TSHZ1: variants seen among roughly 807,000 people sequenced by gnomAD.
TSHZ1 encodes teashirt zinc finger homeobox 1.
TSHZ1 carries 12 observed loss-of-function variants against 67.1 expected under a neutral mutation model. The ratio of observed to expected loss-of-function variants is 0.18; its 90% confidence interval spans 0.11 to 0.29. The LOEUF (loss-of-function observed/expected upper bound fraction) is 0.29, where lower values mean the gene tolerates loss of function less well. TSHZ1 is among the 10% of genes least tolerant of loss of function. The probability of loss-of-function intolerance (pLI) is 1.00; values close to 1 mark genes in which losing one functional copy is unlikely to be tolerated. For synonymous variants in TSHZ1, 632 were observed against 622.4 expected, an observed-to-expected ratio of 1.02 and a Z score of -0.23; for missense variants, 1,305 against 1,413.9, an observed-to-expected ratio of 0.92 and a Z score of 1.23.
At chr18:75,265,821 C>A (rs1459107003) in intron 1 of TSHZ1, among the ~76,000 whole-genome samples, 1 of 152,090 alleles carries the variant, frequency 6.6e-6, no homozygotes, top group Non-Finnish European at 1.5e-5. Context: ...CCCCCTTACT[C>A]GAATCTCATG....
At position 75,289,592 on chromosome 18, in the gene TSHZ1, C is replaced by T. The variant is rs1246569538; in HGVS notation, c.*951C>T. On this transcript the variant is annotated 3_prime_UTR_variant, in exon 2 of 2. Coordinates refer to ENST00000580243, the MANE Select transcript of TSHZ1 (RefSeq NM_001308210.2). ...GTTACATATCGTACCATTTTAATCTCTTCAACTTTCTTTGTACCTTCTGGC... is the reference window on the plus strand; with the variant it reads ...GTTACATATCGTACCATTTTAATCTTTTCAACTTTCTTTGTACCTTCTGGC... 6.0e-6 allele frequency: 1 copy of T among 167,080 alleles called. No homozygotes were observed. The highest frequency in any genetic ancestry group is 1.5e-5 in the Non-Finnish European group (1 of 68,122). 10.3% of individuals were successfully genotyped at this position (167,080 alleles called of 1,614,324 possible). A position where few individuals can be genotyped will look rare whatever the true frequency, so the allele number is the denominator to read the frequency against.
intron 1 of TSHZ1, among the ~76,000 whole-genome samples, chr18:75,226,688 A>G (rs932555841): frequency 2.0e-5 from 3 of 151,732 alleles, no homozygotes; most frequent in Non-Finnish European, 4.4e-5. Flanking sequence ...CCCTGGAGCC[A>G]TGCATCACCA....
At chr18:75,241,660 A>G (rs1367999219) in intron 1 of TSHZ1, among the ~76,000 whole-genome samples, 1 of 152,172 alleles carries the variant, frequency 6.6e-6, no homozygotes, top group African/African-American at 2.4e-5. Flanking sequence ...TTCATAACAA[A>G]TCAATACAAA....
intron 1 of TSHZ1, among the ~76,000 whole-genome samples, chr18:75,212,817 C>T (rs1416413657): frequency 6.6e-6 from 1 of 152,206 alleles, no homozygotes; most frequent in African/African-American, 2.4e-5. Context: ...GGTGGGTCAG[C>T]TGCCGTGCGT....
At chr18:75,250,273 C>T (rs11875615) in intron 1 of TSHZ1, among the ~76,000 whole-genome samples, 27,485 of 152,108 alleles carry the variant, frequency 0.18, 2,576 homozygotes, top group East Asian at 0.31. Flanking sequence ...TGTCCCCAGT[C>T]GCAAGGGTAC....
chr18:75,257,189 C>A (rs1381370446), intron 1 of TSHZ1, among the ~76,000 whole-genome samples: 3 of 152,294 alleles, frequency 2.0e-5, no homozygotes, highest in South Asian at 4.1e-4. Context: ...AATGAACTAA[C>A]CTCCTTCATT....
At position 75,288,832 on chromosome 18, in the gene TSHZ1, G is replaced by A. The variant is rs1212554194; in HGVS notation, c.*191G>A. 9.8e-6 allele frequency: 9 copies of A among 920,130 alleles called. No homozygotes were observed. The highest frequency in any genetic ancestry group is 3.8e-5 in the Admixed American group (1 of 26,590). The allele number at this position is 920,130 out of a possible 1,614,324, so 57.0% of individuals were successfully genotyped here. ...CTGTGCATGTTATTTTTCTTTTTCC[G>A]TGAGTCAAAGTCTGACCTTTATTTT... is the stretch of plus-strand genomic sequence containing the variant. On this transcript the variant is annotated 3_prime_UTR_variant, in exon 2 of 2. Transcript: ENST00000580243. This position sits in a 1 kb window ranked among gnomAD's most constrained non-coding sequence, Gnocchi z 4.9.
intron 1 of TSHZ1, among the ~76,000 whole-genome samples, chr18:75,272,209 G>A (rs188613728): frequency 1.3e-5 from 2 of 152,364 alleles, no homozygotes; most frequent in Non-Finnish European, 2.9e-5. Flanking sequence ...TTATCAGATA[G>A]AAGAGGAAGA....
intron 1 of TSHZ1, among the ~76,000 whole-genome samples, chr18:75,233,188 A>T (rs932031189): frequency 2.6e-5 from 4 of 152,202 alleles, no homozygotes; most frequent in African/African-American, 7.2e-5. Flanking sequence ...TATAAAAGTG[A>T]TATCAGTTAT....
rs1229815684 is a variant in TSHZ1, at chr18:75,246,710, A to G, written c.40+34794A>G. Among the ~76,000 whole-genome samples the G allele has an allele frequency of 2.6e-5, 4 of 151,922 alleles. 1 individual carries two copies. On this transcript the variant is annotated intron_variant, in intron 1 of 1. Transcript: ENST00000580243. ...AAGCCTGTGGCCTTTTTTTGTTTTT[A>G]GGCACAAAGCTAGTTTAATTGAAAG...
intron 1 of TSHZ1, among the ~76,000 whole-genome samples, chr18:75,251,576 C>G (rs2023305313): frequency 6.7e-6 from 1 of 148,442 alleles, no homozygotes; most frequent in Middle Eastern, 3.5e-3. Context: ...TCTATCTTTC[C>G]ATTTCTAGTG....
intron 1 of TSHZ1, among the ~76,000 whole-genome samples, chr18:75,230,471 C>T (rs922673865): frequency 3.3e-5 from 5 of 152,192 alleles, no homozygotes; most frequent in African/African-American, 9.7e-5. Context: ...AAATTTATCA[C>T]GGCACATTAT....
chr18:75,237,524 A>G (rs1375268720), intron 1 of TSHZ1, among the ~76,000 whole-genome samples: 1 of 152,208 alleles, frequency 6.6e-6, no homozygotes, highest in Non-Finnish European at 1.5e-5. Flanking sequence ...CTTGTCTTCA[A>G]AATAAAATAA....
intron 1 of TSHZ1, among the ~76,000 whole-genome samples, chr18:75,264,126 G>A (rs2023462336): frequency 6.6e-6 from 1 of 152,180 alleles, no homozygotes; most frequent in Non-Finnish European, 1.5e-5. Context: ...ATCACATAGT[G>A]CCACTCATTT....
At chr18:75,284,684 T>TA (rs2023728387) in intron 1 of TSHZ1, 1 of 152,342 alleles carries the variant, frequency 6.6e-6, no homozygotes, top group Admixed American at 6.5e-5. Flanking sequence ...CACCGAGCAC[T>TA]ATGCCCTCGA....
rs1320949762 is a variant in TSHZ1, at chr18:75,288,950, TAAC to T, written c.*312_*314del. ...ATTTAGCAGTAAAGAAAGACACAAA[TAAC>T]AATGATAAAAAGACATCCTAAAATG... On this transcript the variant is annotated 3_prime_UTR_variant, in exon 2 of 2. Transcript: ENST00000580243. The surrounding 1 kb of genome is among the most constrained non-coding windows in gnomAD (Gnocchi z 4.9). 4.3e-6 allele frequency: 1 copy of T among 231,520 alleles called. No individual in the cohort carries two copies. Among genetic ancestry groups the T allele is most frequent in the African/African-American group, 2.3e-5 (1 of 43,470 alleles). The allele number at this position is 231,520 out of a possible 1,614,324, so 14.3% of individuals were successfully genotyped here. A position where few individuals can be genotyped will look rare whatever the true frequency, so the allele number is the denominator to read the frequency against.
intron 1 of TSHZ1, among the ~76,000 whole-genome samples, chr18:75,263,530 C>A (rs186743418): frequency 6.6e-6 from 1 of 152,216 alleles, no homozygotes; most frequent in Non-Finnish European, 1.5e-5. Flanking sequence ...AAATTATGTA[C>A]TTATCAGTTA....
At chr18:75,229,541 G>T (rs2022970247) in intron 1 of TSHZ1, among the ~76,000 whole-genome samples, 1 of 152,220 alleles carries the variant, frequency 6.6e-6, no homozygotes, top group African/African-American at 2.4e-5. Flanking sequence ...ACTGTCAAGA[G>T]TCCAGCACGG....
intron 1 of TSHZ1, among the ~76,000 whole-genome samples, chr18:75,274,100 G>A (rs1276955943): frequency 6.6e-6 from 1 of 152,108 alleles, no homozygotes; most frequent in Non-Finnish European, 1.5e-5. Context: ...CCGATGGCAG[G>A]ACACACTGTA....
Sources: gnomAD v4.1 joint callset for allele counts (sites outside exome capture counted in the v4.1 genomes callset) on GRCh38, gnomAD v4.1.1 for gene constraint, Gnocchi (gnomAD v3.1) non-coding constraint, MANE v1.5 for transcripts, NCBI Gene and HGNC (gene_info 2026-07-23, HGNC 2026-07-21) for gene names.